Variants in TDP1 observed in about 807,000 individuals in gnomAD.
TDP1 encodes the protein tyrosyl-DNA phosphodiesterase 1, also known as tyr-DNA phosphodiesterase 1.
Under a neutral mutation model 81.5 loss-of-function variants are expected in TDP1, and 64 were observed. The ratio of observed to expected loss-of-function variants is 0.79; its 90% CI spans 0.64 to 0.97. TDP1 has a LOEUF of 0.97. TDP1 is among the 50% of genes least tolerant of loss of function. The probability of loss-of-function intolerance (pLI) is 0.00; values close to 1 mark genes in which losing one functional copy is unlikely to be tolerated. For synonymous variants in TDP1, 256 were observed against 264.3 expected, an observed-to-expected ratio of 0.97 and a Z score of 0.30; for missense variants, 723 against 743.8, an observed-to-expected ratio of 0.97 and a Z score of 0.33.
At chr14:89,971,103 C>A (rs767846987) in intron 5 of TDP1, 72 bp from the exon 6 acceptor site, 1 of 1,364,100 alleles carries the variant, frequency 7.3e-7, no homozygotes, top group Admixed American at 1.7e-5. Flanking sequence ...CCCAAGGTGC[C>A]GGGATTACAG....
chr14:89,982,421 C>T (rs1337944407), intron 8 of TDP1, among the ~76,000 whole-genome samples: 1 of 152,108 alleles, frequency 6.6e-6, no homozygotes, highest in East Asian at 1.9e-4. Context: ...ATTCATGTGG[C>T]CCTATCAAAA....
At position 90,004,740 on chromosome 14, in the gene TDP1, CA is replaced by C. The variant is rs566779539; in HGVS notation, c.1541+11258del. Among the ~76,000 whole-genome samples the C allele has an allele frequency of 2.1e-3, 321 of 152,290 alleles. 2 individuals carry two copies. The highest frequency in any genetic ancestry group is 7.3e-3 in the African/African-American group (304 of 41,558). Reference sequence around the variant, plus strand: ...TCGTCTCTCTGCTTTGGGATTGGCACAGAAACATTATTGCAGGAGAGTCAGC... The same window carrying C: ...TCGTCTCTCTGCTTTGGGATTGGCACGAAACATTATTGCAGGAGAGTCAGC... On this transcript the variant is annotated intron_variant, in intron 14 of 16. Coordinates refer to ENST00000335725, the MANE Select transcript of TDP1 (RefSeq NM_018319.4).
In TDP1 at chr14:89,984,217, C is replaced by G. The variant is rs34145506; in HGVS notation, c.885-299C>G. The G allele has an allele frequency of 1.4e-3, 1,371 of 985,228 alleles. 12 individuals carry two copies. In the African/African-American group the frequency reaches 0.022, roughly 16 times the overall value. 61.0% of individuals were successfully genotyped at this position (985,228 alleles called of 1,614,324 possible). A position where few individuals can be genotyped will look rare whatever the true frequency, so the allele number is the denominator to read the frequency against. On this transcript the variant is annotated intron_variant, in intron 8 of 16. Coordinates refer to ENST00000335725, the MANE Select transcript of TDP1 (RefSeq NM_018319.4). The stretch of plus-strand genomic sequence containing the variant: ...TATATAGGTGCAGAGGTAAGAGGAG[C>G]AATAAGGAAGGTTTGGCAAGTGAGA...
chr14:90,012,950 C>T (rs758632352), intron 14 of TDP1, among the ~76,000 whole-genome samples: 6 of 152,296 alleles, frequency 3.9e-5, no homozygotes, highest in African/African-American at 9.6e-5. Flanking sequence ...GAGATCATTT[C>T]GGAGCTTTAA....
intron 15 of TDP1, chr14:90,022,751 TA>T: frequency 1.0e-6 from 1 of 985,404 alleles, no homozygotes; most frequent in Non-Finnish European, 1.2e-6. Context: ...GGAAAAAAAG[TA>T]GACCTTTGCT....
At chr14:89,992,577 T>TA (rs1286648721) in intron 13 of TDP1, among the ~76,000 whole-genome samples, 1 of 152,234 alleles carries the variant, frequency 6.6e-6, no homozygotes, top group African/African-American at 2.4e-5. Flanking sequence ...TACTTTGAAT[T>TA]ATAGCTTTCA....
At position 89,999,295 on chromosome 14, in the gene TDP1, C is replaced by T. The variant is rs551763784; in HGVS notation, c.1541+5812C>T. On this transcript the variant is annotated intron_variant, in intron 14 of 16. Transcript: ENST00000335725. ...TTGAGAATAAATTCGTTATGAACAACTGATATATCCTTTCATTTAATATAT... is the reference window on the plus strand; with the variant it reads ...TTGAGAATAAATTCGTTATGAACAATTGATATATCCTTTCATTTAATATAT... 1.5e-3 allele frequency among the ~76,000 whole-genome samples: 227 copies of T among 152,268 alleles called. 1 individual carries two copies. The highest frequency in any genetic ancestry group is 5.2e-3 in the African/African-American group (216 of 41,538).
At position 90,012,951 on chromosome 14, in the gene TDP1, G is replaced by A. The variant is rs113071294; in HGVS notation, c.1542-6365G>A. ...ACATGGAGTCAAAGGAGATCATTTC[G>A]GAGCTTTAAGATTTGACTGCCCTGA... On this transcript the variant is annotated intron_variant, in intron 14 of 16. Transcript: ENST00000335725. Among the ~76,000 whole-genome samples the A allele has an allele frequency of 3.9e-3, 590 of 152,308 alleles. 2 individuals are homozygous for A. Among genetic ancestry groups the A allele is most frequent in the African/African-American group, 0.014 (567 of 41,560 alleles).
Position 89,963,531 on chromosome 14 carries a change from A to C in TDP1, c.417A>C (p.Lys139Asn), listed in dbSNP as rs1434360174. ...NHGAPACHRL[K>N]EEEDEYETSG... ...GCGCTCCCGCCTGCCACAGGCTCAA[A>C]GAGGAGGAAGACGAGTATGAGACAT... The change falls in exon 3 of 17, where the codon AAA becomes AAC. Residue 139 changes from lysine to asparagine, a missense_variant. Transcript: ENST00000335725. 1 of 1,606,814 alleles carries C rather than the reference A, an allele frequency of 6.2e-7. No homozygotes were observed. Among genetic ancestry groups the C allele is most frequent in the Admixed American group, 1.7e-5 (1 of 59,122 alleles).
chr14:90,025,903 A>G (rs560916411), intron 15 of TDP1, among the ~76,000 whole-genome samples: 3 of 152,320 alleles, frequency 2.0e-5, no homozygotes, highest in African/African-American at 7.2e-5. Context: ...TGCCTAGTGC[A>G]CTGTGGCTAG....
chr14:89,967,422 G>T lies in TDP1; in HGVS notation c.659G>T (p.Arg220Met). 6.2e-7 allele frequency: 1 copy of T among 1,613,874 alleles called. No individual in the cohort carries two copies. The highest frequency in any genetic ancestry group is 8.5e-7 in the Non-Finnish European group (1 of 1,179,782). The change falls in exon 5 of 17, where the codon AGG (arginine) becomes ATG (methionine). Residue 220 changes from arginine to methionine, a missense_variant and splice_region_variant. Coordinates refer to ENST00000335725, the MANE Select transcript of TDP1 (RefSeq NM_018319.4). ...WLVKQYPPEF[R>M]KKPILLVHGD... ...GTAAAACAGTATCCACCAGAGTTCAGGTGAGTTCCTCAGGGTGACAGACAA... is the reference window on the plus strand; with the variant it reads ...GTAAAACAGTATCCACCAGAGTTCATGTGAGTTCCTCAGGGTGACAGACAA...
intron 9 of TDP1, 174 bp from the exon 10 acceptor site, chr14:89,984,958 C>T (rs1895394747): frequency 4.2e-6 from 4 of 954,870 alleles, no homozygotes; most frequent in Non-Finnish European, 3.7e-6. Context: ...ATCTTGTAGG[C>T]ATTCCATCAT....
intron 11 of TDP1, chr14:89,989,336 G>A (rs1481923048): frequency 1.0e-6 from 1 of 985,228 alleles, no homozygotes; most frequent in African/African-American, 1.7e-5. Flanking sequence ...TGCAGACACA[G>A]ACTGGCCTGT....
chr14:90,006,866 A>T (rs1333615012), intron 14 of TDP1, among the ~76,000 whole-genome samples: 1 of 151,952 alleles, frequency 6.6e-6, no homozygotes, highest in Non-Finnish European at 1.5e-5. Flanking sequence ...TGTATTTTTC[A>T]TAGAGATGGA....
In TDP1 at chr14:90,043,132, G is replaced by A. The variant is rs776387608; in HGVS notation, c.1816G>A (p.Val606Met). The change falls in exon 17 of 17, where the codon GTG (valine) becomes ATG (methionine). Residue 606 changes from valine (V) to methionine (M), a missense_variant. By Grantham distance (21) the Val-to-Met change is conservative. Coordinates refer to ENST00000335725, the MANE Select transcript of TDP1 (RefSeq NM_018319.4). ...ACCGGATACGCATGGGAACATGTGG[G>A]TGCCCTCCTGAGAATCTTGAGGCAC... ...KAPDTHGNMW[V>M]PS The A allele has an allele frequency of 6.2e-7, 1 of 1,614,152 alleles. No homozygotes were observed.
chr14:89,989,599 G>A, intron 11 of TDP1, 118 bp from the exon 12 acceptor site: 1 of 1,122,174 alleles, frequency 8.9e-7, no homozygotes, highest in Non-Finnish European at 1.3e-6. Context: ...AAAATTTAAA[G>A]CATATTTTCT....
chr14:89,990,654 G>T (rs1436032711), intron 12 of TDP1, among the ~76,000 whole-genome samples: 3 of 143,636 alleles, frequency 2.1e-5, no homozygotes, highest in Non-Finnish European at 4.6e-5. Flanking sequence ...CCTCTAATAG[G>T]CTAGATTCAT....
intron 9 of TDP1, 163 bp downstream of exon 9, chr14:89,984,846 G>A (rs912307032): frequency 1.0e-6 from 1 of 985,390 alleles, no homozygotes; most frequent in African/African-American, 1.7e-5. Flanking sequence ...TGTATCTTGT[G>A]GTTCTCAGGC....
chr14:90,002,247 T>C (rs999795897), intron 14 of TDP1, among the ~76,000 whole-genome samples: 2 of 152,150 alleles, frequency 1.3e-5, no homozygotes, highest in African/African-American at 4.8e-5. Flanking sequence ...CATTACCCAA[T>C]CATCCAGCAT....
Sources: gnomAD v4.1 joint callset for allele counts (sites outside exome capture counted in the v4.1 genomes callset) on GRCh38, gnomAD v4.1.1 for gene constraint, MANE v1.5 for transcripts, NCBI Gene and HGNC (gene_info 2026-07-23, HGNC 2026-07-21) for gene names.